MAP2K5: variants seen among roughly 807,000 people sequenced by gnomAD.
MAP2K5 encodes the protein dual specificity mitogen-activated protein kinase kinase 5.
MAP2K5 carries 49 observed loss-of-function variants against 83.1 expected under a neutral mutation model. The observed-to-expected ratio is 0.59, with a 90% CI of 0.47 to 0.75. The LOEUF is 0.75. Ranked by LOEUF, MAP2K5 falls within the 30% of genes least tolerant of loss-of-function variation. MAP2K5 has a pLI of 0.00. For synonymous variants in MAP2K5, 202 were observed against 191.8 expected (o/e 1.05, Z -0.44); for missense variants, 457 against 557.5 (o/e 0.82, Z 1.82).
rs770039184 is a variant in MAP2K5 at position 67,807,081 on chromosome 15, C to T, written c.*331C>T. ...TAAAGGGTCAGGCCCGTCAGCATCA[C>T]TGATGGGAATAAAAGTATTAATGCT... On this transcript the variant is annotated 3_prime_UTR_variant, in exon 22 of 22. Transcript: ENST00000178640. This position sits in a 1 kb window ranked among gnomAD's most constrained non-coding sequence, Gnocchi z 5.1. 11 of 735,992 alleles carry T rather than the reference C, an allele frequency of 1.5e-5. No homozygotes were observed. Among genetic ancestry groups the T allele is most frequent in the Non-Finnish European group, 2.0e-5 (10 of 503,846 alleles). The allele number at this position is 735,992 out of a possible 1,614,324, so 45.6% of individuals were successfully genotyped here. A position where few individuals can be genotyped will look rare whatever the true frequency, so the allele number is the denominator to read the frequency against.
At position 67,783,432 on chromosome 15, in the gene MAP2K5, T is replaced by C. The variant is rs1000499332; in HGVS notation, c.1242+10680T>C. 1.3e-5 allele frequency among the ~76,000 whole-genome samples: 2 copies of C among 152,160 alleles called. No individual in the cohort carries two copies. Among genetic ancestry groups the C allele is most frequent in the African/African-American group, 4.8e-5 (2 of 41,438 alleles). On this transcript the variant is annotated intron_variant, in intron 21 of 21. Coordinates refer to ENST00000178640, the MANE Select transcript of MAP2K5 (RefSeq NM_145160.3). This position sits in a 1 kb window ranked among gnomAD's most constrained non-coding sequence, Gnocchi z 5.1. ...CAGTCATGTCTTTGCTTGTGCTGTT[T>C]TCTCACCGCCAGATGGTGAACTTCT...
At chr15:67,582,352 GC>G (rs2085197215) in intron 4 of MAP2K5, among the ~76,000 whole-genome samples, 1 of 152,048 alleles carries the variant, frequency 6.6e-6, no homozygotes, top group Non-Finnish European at 1.5e-5. Context: ...GAGCCACCAC[GC>G]CCAGCCAGGA....
chr15:67,709,175 G>A (rs575996980), intron 16 of MAP2K5, among the ~76,000 whole-genome samples: 76 of 152,304 alleles, frequency 5.0e-4, no homozygotes, highest in African/African-American at 1.8e-3. Context: ...AATCATTAAA[G>A]GTCATTGCCA....
At chr15:67,642,359 T>G in intron 9 of MAP2K5, 1 of 1,416,526 alleles carries the variant, frequency 7.1e-7, no homozygotes, top group Non-Finnish European at 9.6e-7. Flanking sequence ...TGTACAAGAC[T>G]CAGCCCTTGC....
intron 17 of MAP2K5, among the ~76,000 whole-genome samples, chr15:67,740,097 C>T (rs1238430799): frequency 2.0e-5 from 3 of 152,182 alleles, no homozygotes; most frequent in African/African-American, 7.2e-5. Flanking sequence ...AGTCCAAGCC[C>T]TGTGCTTAAT....
Position 67,572,949 on chromosome 15 carries a change from G to A in MAP2K5, c.253-7805G>A, listed in dbSNP as rs139767818. Among the ~76,000 whole-genome samples the A allele has an allele frequency of 0.012, 1,802 of 152,240 alleles. 48 individuals are homozygous for A. The highest frequency in any genetic ancestry group is 0.041 in the African/African-American group (1,709 of 41,540). ...CTGACCTTGTGATCTGCCTGCCTCG[G>A]CCTGCCAAAGTGCTGGGATTACAGG... is the stretch of plus-strand genomic sequence containing the variant. On this transcript the variant is annotated intron_variant, in intron 3 of 21. Transcript: ENST00000178640. The surrounding 1 kb of genome is among the most constrained non-coding windows in gnomAD (Gnocchi z 4.2).
chr15:67,709,236 G>A (rs940740577), intron 16 of MAP2K5, among the ~76,000 whole-genome samples: 4 of 152,126 alleles, frequency 2.6e-5, no homozygotes, highest in Non-Finnish European at 5.9e-5. Context: ...GAACCCGTGT[G>A]GAACTGTAGT....
chr15:67,543,011 A>C lies in MAP2K5; in HGVS notation c.-325A>C. Reference sequence around the variant, plus strand: ...AGTCCTTGCCCTGCTGCCTCCTCATACCCACACGGCGGCAGAGACCTTCAC... The same window carrying C: ...AGTCCTTGCCCTGCTGCCTCCTCATCCCCACACGGCGGCAGAGACCTTCAC... On this transcript the variant is annotated 5_prime_UTR_variant, in exon 1 of 22. Coordinates refer to ENST00000178640, the MANE Select transcript of MAP2K5 (RefSeq NM_145160.3). This position sits in a 1 kb window ranked among gnomAD's most constrained non-coding sequence, Gnocchi z 4.3. 5.7e-6 allele frequency: 2 copies of C among 351,566 alleles called. No homozygotes were observed. 21.8% of individuals were successfully genotyped at this position (351,566 alleles called of 1,614,324 possible).
chr15:67,568,139 T>G (rs1158078373), intron 3 of MAP2K5, among the ~76,000 whole-genome samples: 1 of 152,178 alleles, frequency 6.6e-6, no homozygotes, highest in Non-Finnish European at 1.5e-5. Context: ...TTATATCATT[T>G]TTTCCCACAT....
chr15:67,602,972 G>A (rs2085695365), intron 8 of MAP2K5, among the ~76,000 whole-genome samples: 2 of 152,070 alleles, frequency 1.3e-5, no homozygotes, highest in Admixed American at 1.3e-4. Context: ...TTTAAAAGAG[G>A]GAGTATACAG....
At chr15:67,574,683 A>T (rs966031668) in intron 3 of MAP2K5, among the ~76,000 whole-genome samples, 3 of 151,534 alleles carry the variant, frequency 2.0e-5, no homozygotes, top group Non-Finnish European at 4.4e-5. Flanking sequence ...TCTGGCCAAC[A>T]TGGGGAAACC....
In MAP2K5 at chr15:67,770,680, G is replaced by A. The variant is rs184270055; in HGVS notation, c.1196+1017G>A. Among the ~76,000 whole-genome samples, 2 of 152,094 alleles carry A rather than the reference G, an allele frequency of 1.3e-5. No homozygotes were observed. The highest frequency in any genetic ancestry group is 1.9e-4 in the East Asian group (1 of 5,194). ...ATCAGGATTCTTGCTAACCAAAATCGTTGTGTGCCATCCCCTTCCCCTCCC... is the reference window on the plus strand; with the variant it reads ...ATCAGGATTCTTGCTAACCAAAATCATTGTGTGCCATCCCCTTCCCCTCCC... On this transcript the variant is annotated intron_variant, in intron 20 of 21. Transcript: ENST00000178640. The surrounding 1 kb of genome is among the most constrained non-coding windows in gnomAD (Gnocchi z 5.0).
In MAP2K5 at chr15:67,750,768, C is replaced by T. The variant is rs1450125876; in HGVS notation, c.1134+2167C>T. ...GCTAGCTATCTTCATTTGCATCTGA[C>T]TTTTAGACCTTTTATTTGTGAATGA... On this transcript the variant is annotated intron_variant, in intron 19 of 21. Transcript: ENST00000178640. The surrounding 1 kb of genome is among the most constrained non-coding windows in gnomAD (Gnocchi z 4.2). Among the ~76,000 whole-genome samples, 1 of 152,124 alleles carries T rather than the reference C, an allele frequency of 6.6e-6. No homozygotes were observed. The highest frequency in any genetic ancestry group is 2.4e-5 in the African/African-American group (1 of 41,428).
chr15:67,742,785 A>G (rs1037144722), intron 17 of MAP2K5, among the ~76,000 whole-genome samples: 12 of 152,234 alleles, frequency 7.9e-5, no homozygotes, highest in Admixed American at 6.5e-4. Flanking sequence ...AAAATGTGCA[A>G]TTACCAACAG....
chr15:67,802,689 G>A lies in MAP2K5; in HGVS notation c.1243-3957G>A, dbSNP rs1326582097. On this transcript the variant is annotated intron_variant, in intron 21 of 21. Transcript: ENST00000178640. The surrounding 1 kb of genome is among the most constrained non-coding windows in gnomAD (Gnocchi z 5.0). ...CTAACATGCTTTCCGCGTGAAGGAC[G>A]GAGGCCTAGATGCCTGGGGCGGTCA... is the stretch of plus-strand genomic sequence containing the variant. 3.3e-5 allele frequency among the ~76,000 whole-genome samples: 5 copies of A among 152,236 alleles called. No individual in the cohort carries two copies. Among genetic ancestry groups the A allele is most frequent in the South Asian group, 2.1e-4 (1 of 4,832 alleles).
At position 67,695,271 on chromosome 15, in the gene MAP2K5, T is replaced by TA. The variant is rs879628376; in HGVS notation, c.972+1713dup. ...ACTTAAAGTATAATGATAATAAATT[T>TA]AAAAAAAAAAGATTTAGGGATGGAA... On this transcript the variant is annotated intron_variant, in intron 15 of 21. Coordinates refer to ENST00000178640, the MANE Select transcript of MAP2K5 (RefSeq NM_145160.3). Among the ~76,000 whole-genome samples, 236 of 149,066 alleles carry TA rather than the reference T, an allele frequency of 1.6e-3. 1 individual carries two copies. Among genetic ancestry groups the TA allele is most frequent in the Non-Finnish European group, 2.8e-3 (187 of 67,012 alleles).
rs189274656 is a variant in MAP2K5, at chr15:67,562,931, A to G, written c.185-352A>G. On this transcript the variant is annotated intron_variant, in intron 2 of 21. Transcript: ENST00000178640. The surrounding 1 kb of genome is among the most constrained non-coding windows in gnomAD (Gnocchi z 4.1). ...AAATCGGGGTATGGTGCTGTTTGGGAGATTTAAAAAGTGTGGATAGTAGAA... is the reference window on the plus strand; with the variant it reads ...AAATCGGGGTATGGTGCTGTTTGGGGGATTTAAAAAGTGTGGATAGTAGAA... Among the ~76,000 whole-genome samples, 1 of 152,084 alleles carries G rather than the reference A, an allele frequency of 6.6e-6. No individual in the cohort carries two copies. Among genetic ancestry groups the G allele is most frequent in the East Asian group, 1.9e-4 (1 of 5,172 alleles).
intron 21 of MAP2K5, among the ~76,000 whole-genome samples, chr15:67,804,848 T>C (rs1480769077): frequency 1.3e-5 from 2 of 152,164 alleles, no homozygotes; most frequent in African/African-American, 4.8e-5. Context: ...ATTTCCTCTG[T>C]CTAGGCAGCG....
rs928612712 is a variant in MAP2K5, at chr15:67,806,628, T to G, written c.1243-18T>G. 23 of 1,546,564 alleles carry G rather than the reference T, an allele frequency of 1.5e-5. No individual in the cohort carries two copies. The highest frequency in any genetic ancestry group is 1.9e-5 in the Non-Finnish European group (22 of 1,145,348). ...AGTCCGAGGACTGCCTGTCACAGCC[T>G]CCTCCTCTTCCCCGCAGGGCCACCC... On this transcript the variant is annotated intron_variant, in intron 21 of 21. Transcript: ENST00000178640.
Sources: allele counts gnomAD v4.1 joint callset (sites outside exome capture counted in the v4.1 genomes callset), GRCh38; gene constraint gnomAD v4.1.1; non-coding constraint Gnocchi (gnomAD v3.1); transcripts MANE v1.5; gene names NCBI Gene and HGNC (gene_info 2026-07-23, HGNC 2026-07-21).